SDR16C5: variants seen among roughly 807,000 people sequenced by gnomAD.
The protein encoded by SDR16C5 is epidermal retinol dehydrogenase 2.
SDR16C5 carries 20 observed loss-of-function variants against 27.7 expected under a neutral mutation model. The observed-to-expected ratio is 0.72, with a 90% CI of 0.51 to 1.05. The LOEUF (loss-of-function observed/expected upper bound fraction) is 1.05, where lower values mean the gene tolerates loss of function less well. Among genes scored for constraint, SDR16C5 ranks in the 50% least tolerant of loss-of-function variants. SDR16C5 has a pLI of 0.00. For synonymous variants in SDR16C5, 139 were observed against 132.3 expected, an observed-to-expected ratio of 1.05 and a Z score of -0.35; for missense variants, 374 against 366.3, an observed-to-expected ratio of 1.02 and a Z score of -0.17.
intron 1 of SDR16C5, among the ~76,000 whole-genome samples, chr8:56,319,699 A>C (rs1244042980): frequency 7.2e-5 from 11 of 152,162 alleles, no homozygotes. Flanking sequence ...CGGAAGGTGG[A>C]TGCACTGAGC....
At chr8:56,302,809 C>T (rs1202145316) in intron 6 of SDR16C5, among the ~76,000 whole-genome samples, 5 of 150,940 alleles carry the variant, frequency 3.3e-5, no homozygotes, top group African/African-American at 1.2e-4. Flanking sequence ...AGCAAGACCC[C>T]ATCTCTAAAA....
intron 5 of SDR16C5, among the ~76,000 whole-genome samples, chr8:56,306,249 G>A (rs934369873): frequency 6.6e-6 from 1 of 152,188 alleles, no homozygotes; most frequent in African/African-American, 2.4e-5. Flanking sequence ...TGGACTTCTA[G>A]CCTCCAGAAC....
chr8:56,309,122 T>C, intron 3 of SDR16C5, 95 bp from the exon 4 acceptor site: 1 of 1,028,644 alleles, frequency 9.7e-7, no homozygotes, highest in Non-Finnish European at 1.3e-6. Flanking sequence ...AATCTTTTTT[T>C]TTCAGCCTGT....
In SDR16C5 at chr8:56,307,934, T is replaced by C. The variant is rs982362379; in HGVS notation, c.565+994A>G. On this transcript the variant is annotated intron_variant, in intron 4 of 6. Coordinates refer to ENST00000303749, the MANE Select transcript of SDR16C5 (RefSeq NM_138969.4). The stretch of plus-strand genomic sequence containing the variant: ...ACAGGAATGTTCTGTCTGAAAAGGA[T>C]TGATAAGGAGCTGTAAATATACCTG... Among the ~76,000 whole-genome samples the C allele has an allele frequency of 6.6e-5, 10 of 152,222 alleles. No individual in the cohort carries two copies. The Middle Eastern group carries it at 0.01, about 155-fold the overall frequency.
chr8:56,306,795 G>T lies in SDR16C5; in HGVS notation c.591C>A (p.Ala197=). The change falls in exon 5 of 7, where the codon GCC becomes GCA. Residue 197 remains alanine, a synonymous_variant. Coordinates refer to ENST00000303749, the MANE Select transcript of SDR16C5 (RefSeq NM_138969.4). Reference sequence around the variant, plus strand: ...CAAATACAGATTCAGCAAACCCAAAGGCTGCAAATTTACTTGCACAGTAAT... The same window carrying T: ...CAAATACAGATTCAGCAAACCCAAATGCTGCAAATTTACTTGCACAGTAAT... ...LADYCASKFA[A]FGFAESVFVE... 6.8e-6 allele frequency: 11 copies of T among 1,612,062 alleles called. No homozygotes were observed. The highest frequency in any genetic ancestry group is 9.3e-6 in the Non-Finnish European group (11 of 1,179,594).
chr8:56,309,523 A>G, intron 3 of SDR16C5: 7 of 985,180 alleles, frequency 7.1e-6, no homozygotes, highest in Non-Finnish European at 8.4e-6. Flanking sequence ...GTAAAACAGA[A>G]TATCTATTAG....
At chr8:56,304,585 T>A (rs1814836720) in intron 6 of SDR16C5, among the ~76,000 whole-genome samples, 1 of 152,102 alleles carries the variant, frequency 6.6e-6, no homozygotes. Flanking sequence ...ATTGCCCAAG[T>A]TGGAGGGCAA....
At chr8:56,309,428 C>T in intron 3 of SDR16C5, 3 of 985,372 alleles carry the variant, frequency 3.0e-6, no homozygotes, top group Non-Finnish European at 3.6e-6. Context: ...TTTCCCTGAA[C>T]ATTGTTCACA....
rs145836926 is a variant in SDR16C5, at chr8:56,300,125, C to T, written c.*1355G>A. The T allele has an allele frequency of 3.1e-3, 477 of 151,926 alleles. 4 individuals carry two copies. Among genetic ancestry groups the T allele is most frequent in the African/African-American group, 0.011 (452 of 41,402 alleles). 9.4% of individuals were successfully genotyped at this position (151,926 alleles called of 1,614,324 possible). A position where few individuals can be genotyped will look rare whatever the true frequency, so the allele number is the denominator to read the frequency against. Reference sequence around the variant, plus strand: ...GTTTGTCAAATACTTAATTTGCTGCCGGGCACAGTAAATGTTAGTTATGAT... The same window carrying T: ...GTTTGTCAAATACTTAATTTGCTGCTGGGCACAGTAAATGTTAGTTATGAT... On this transcript the variant is annotated 3_prime_UTR_variant, in exon 7 of 7. Transcript: ENST00000303749.
chr8:56,315,925 C>T lies in SDR16C5; in HGVS notation c.333+90G>A, dbSNP rs917063933. On this transcript the variant is annotated intron_variant, in intron 2 of 6. Coordinates refer to ENST00000303749, the MANE Select transcript of SDR16C5 (RefSeq NM_138969.4). ...CATAATCTTGTTTACATTAAAGGGA[C>T]ACTGGAGACAGGCTAATAGGCACTG... 8.4e-6 allele frequency: 7 copies of T among 836,188 alleles called. No individual in the cohort carries two copies. The African/African-American group carries it at 1.2e-4, about 14-fold the overall frequency. 51.8% of individuals were successfully genotyped at this position (836,188 alleles called of 1,614,324 possible).
chr8:56,313,258 C>A (rs1563442940), intron 2 of SDR16C5, among the ~76,000 whole-genome samples: 1 of 152,168 alleles, frequency 6.6e-6, no homozygotes, highest in African/African-American at 2.4e-5. Context: ...AGAATAGCTT[C>A]ATTATAGCCA....
chr8:56,305,576 A>G, intron 6 of SDR16C5, 21 bp downstream of exon 6: 1 of 1,561,540 alleles, frequency 6.4e-7, no homozygotes, highest in Non-Finnish European at 8.6e-7. Context: ...TTAGGGAAGT[A>G]ATAGAAGCTG....
intron 3 of SDR16C5, among the ~76,000 whole-genome samples, chr8:56,311,575 T>A (rs1461742775): frequency 6.6e-6 from 1 of 152,094 alleles, no homozygotes; most frequent in African/African-American, 2.4e-5. Flanking sequence ...GTGGGTGGCT[T>A]TAGAAGTCAG....
chr8:56,306,145 G>A (rs1289929262), intron 5 of SDR16C5, among the ~76,000 whole-genome samples: 1 of 152,178 alleles, frequency 6.6e-6, no homozygotes, highest in African/African-American at 2.4e-5. Flanking sequence ...GCATTTGGAG[G>A]TGGGGCTTTT....
intron 6 of SDR16C5, chr8:56,304,213 GTATAATATC>G (rs1814828136): frequency 1.0e-5 from 6 of 596,634 alleles, no homozygotes; most frequent in Non-Finnish European, 1.8e-5. Context: ...TGGAAGTGAG[GTATAATATC>G]TATCTTCAAA....
In SDR16C5 at chr8:56,307,598, C is replaced by T. The variant is rs545565923; in HGVS notation, c.566-778G>A. On this transcript the variant is annotated intron_variant, in intron 4 of 6. Transcript: ENST00000303749. ...CAACTGGCAAGAGCCAGTTTATAAG[C>T]GCCAGGCGTGGGGTTGTCCAGCCCT... 5.6e-4 allele frequency among the ~76,000 whole-genome samples: 85 copies of T among 152,312 alleles called. 1 individual carries two copies. The highest frequency in any genetic ancestry group is 1.8e-3 in the African/African-American group (76 of 41,568).
intron 6 of SDR16C5, 84 bp downstream of exon 6, chr8:56,305,512 AT>A (rs1814858680): frequency 5.1e-6 from 6 of 1,184,396 alleles, no homozygotes; most frequent in Non-Finnish European, 5.8e-6. Context: ...TTTATCAGGT[AT>A]TTTTAAAGTG....
intron 3 of SDR16C5, among the ~76,000 whole-genome samples, chr8:56,310,483 G>A (rs1815018796): frequency 6.6e-6 from 1 of 151,786 alleles, no homozygotes; most frequent in Non-Finnish European, 1.5e-5. Flanking sequence ...ACTTTGGGAG[G>A]CTGAGGCGGG....
intron 1 of SDR16C5, among the ~76,000 whole-genome samples, chr8:56,319,119 A>T (rs889301850): frequency 9.0e-5 from 6 of 66,618 alleles, no homozygotes; most frequent in African/African-American, 3.9e-4. Flanking sequence ...CCTTCGAACA[A>T]ATTAGAAAAA....
Sources: gnomAD v4.1 joint callset for allele counts (sites outside exome capture counted in the v4.1 genomes callset) on GRCh38, gnomAD v4.1.1 for gene constraint, MANE v1.5 for transcripts, NCBI Gene and HGNC (gene_info 2026-07-23, HGNC 2026-07-21) for gene names.